Variants in UBR4 observed in about 807,000 individuals in gnomAD.
The protein encoded by UBR4 is ubiquitin protein ligase E3 component n-recognin 4.
In UBR4, 124 loss-of-function variants were observed where a neutral mutation model predicts 575.6. The ratio of observed to expected loss-of-function variants is 0.22; its 90% CI spans 0.19 to 0.25. UBR4 has a LOEUF of 0.25. Ranked by LOEUF, UBR4 falls within the 10% of genes least tolerant of loss-of-function variation. The pLI, the probability that UBR4 is intolerant of heterozygous loss-of-function variation, is 1.00. For missense variants in UBR4, 4,818 were observed against 6,478.8 expected (o/e 0.74, Z 8.80); for synonymous variants, 2,455 against 2,473.7 (o/e 0.99, Z 0.22).
Position 19,148,569 on chromosome 1 carries a change from G to A in UBR4, c.7488C>T (p.Ile2496=), listed in dbSNP as rs770746486. 10 of 1,614,176 alleles carry A rather than the reference G, an allele frequency of 6.2e-6. No homozygotes were observed. The highest frequency in any genetic ancestry group is 3.3e-5 in the South Asian group (3 of 91,078). Residue 2496 remains isoleucine, a synonymous_variant, in exon 50 of 106, where the codon ATC becomes ATT. Coordinates refer to ENST00000375254, the MANE Select transcript of UBR4 (RefSeq NM_020765.3). Reference sequence around the variant, plus strand: ...CTTTGAAAAAGTGACTTGCCTTCTCGATGATTGGGCCAACGGCAAAGCAGC... The same window carrying A: ...CTTTGAAAAAGTGACTTGCCTTCTCAATGATTGGGCCAACGGCAAAGCAGC... ...LESCFAVGPI[I]EKERNKNAAQ... is the part of the protein sequence containing the mutation.
At position 19,100,684 on chromosome 1, in the gene UBR4, C is replaced by T; in HGVS notation, c.13024-111G>A. On this transcript the variant is annotated intron_variant, in intron 88 of 105. Coordinates refer to ENST00000375254, the MANE Select transcript of UBR4 (RefSeq NM_020765.3). The surrounding 1 kb of genome is among the most constrained non-coding windows in gnomAD (Gnocchi z 4.2). ...GAAAACACACCAAACTCAGCAAGCC[C>T]CCCAAACATTTAAAGATACAAAGGA... 1 of 1,016,248 alleles carries T rather than the reference C, an allele frequency of 9.8e-7. No individual in the cohort carries two copies. The highest frequency in any genetic ancestry group is 1.5e-6 in the Non-Finnish European group (1 of 684,044). 63.0% of individuals were successfully genotyped at this position (1,016,248 alleles called of 1,614,324 possible).
At position 19,184,194 on chromosome 1, in the gene UBR4, A is replaced by G. The variant is rs774689402; in HGVS notation, c.1939-19T>C. The G allele has an allele frequency of 1.4e-5, 22 of 1,611,064 alleles. No individual in the cohort carries two copies. The highest frequency in any genetic ancestry group is 1.6e-5 in the Non-Finnish European group (19 of 1,178,920). ...CTAAGAACTGAAAGGAACACACACA[A>G]AAAAGCTCTTATCAGGGTCATAAGC... On this transcript the variant is annotated intron_variant, in intron 15 of 105. Coordinates refer to ENST00000375254, the MANE Select transcript of UBR4 (RefSeq NM_020765.3).
At position 19,156,902 on chromosome 1, in the gene UBR4, T is replaced by G. The variant is rs1015290462; in HGVS notation, c.5784A>C (p.Ala1928=). ...KGKITVLQLS[A]LLKQADSSKR... is the part of the protein sequence containing the mutation. Reference sequence around the variant, plus strand: ...TGCTGGAATCTGCTTGCTTCAGGAGTGCAGAGAGCTGCAGAACGGTGATCT... The same window carrying G: ...TGCTGGAATCTGCTTGCTTCAGGAGGGCAGAGAGCTGCAGAACGGTGATCT... The change falls in exon 41 of 106, where the codon GCA becomes GCC. Residue 1928 remains alanine (A), a synonymous_variant. Transcript: ENST00000375254. The G allele has an allele frequency of 6.2e-7, 1 of 1,613,776 alleles. No homozygotes were observed. The highest frequency in any genetic ancestry group is 8.5e-7 in the Non-Finnish European group (1 of 1,179,896).
chr1:19,101,380 C>T (rs1400576430), intron 88 of UBR4, 140 bp downstream of exon 88: 14 of 1,223,046 alleles, frequency 1.1e-5, no homozygotes, highest in East Asian at 2.7e-5. Context: ...ACTTTTATGG[C>T]GGTGGATCTT....
In UBR4 at chr1:19,172,983, A is replaced by G. The variant is rs1282095716; in HGVS notation, c.3402T>C (p.Ser1134=). 3.7e-6 allele frequency: 6 copies of G among 1,614,208 alleles called. No individual in the cohort carries two copies. The highest frequency in any genetic ancestry group is 4.2e-6 in the Non-Finnish European group (5 of 1,180,032). The stretch of plus-strand genomic sequence containing the variant: ...CCATCTTAGAAAAATGCTCATCCAA[A>G]GAGACCTGGACCTTTGAGATCGCGG... The part of the protein sequence containing the change: ...LDAAISKVQV[S]LDEHFSKMAA... The change falls in exon 25 of 106, where the codon TCT becomes TCC. Residue 1134 remains serine, a synonymous_variant. Transcript: ENST00000375254.
chr1:19,146,693 A>T (rs1269153378), intron 52 of UBR4, 133 bp downstream of exon 52: 9 of 1,233,162 alleles, frequency 7.3e-6, no homozygotes, highest in Non-Finnish European at 1.0e-5. Context: ...CCTACAAGGT[A>T]TAAAGACCAG....
At chr1:19,095,740 C>T in intron 92 of UBR4, 88 bp from the exon 93 acceptor site, 1 of 1,218,660 alleles carries the variant, frequency 8.2e-7, no homozygotes, top group Admixed American at 1.8e-5. Context: ...TAAGCAGGGT[C>T]TACACCATCA....
In UBR4 at chr1:19,105,757, T is replaced by C. The variant is rs2079121933; in HGVS notation, c.12479A>G (p.Gln4160Arg). The change falls in exon 84 of 106, where the codon CAG (glutamine) becomes CGG (arginine). Residue 4160 changes from glutamine to arginine, a missense_variant. Around this residue, in one of 29 missense-constraint regions of UBR4, gnomAD observed 178 missense variants for 175.5 expected, o/e 1.01. Coordinates refer to ENST00000375254, the MANE Select transcript of UBR4 (RefSeq NM_020765.3). ...CCTGGTAAGCAGGTCCAGGACCTGCTGCTTGCGGCTGGGAATGGTGGCTAG... is the reference window on the plus strand; with the variant it reads ...CCTGGTAAGCAGGTCCAGGACCTGCCGCTTGCGGCTGGGAATGGTGGCTAG... ...EALATIPSRKQQVLDLLTSYL... is the reference protein window; with the variant it reads ...EALATIPSRKRQVLDLLTSYL... The C allele has an allele frequency of 6.2e-7, 1 of 1,610,002 alleles. No homozygotes were observed. The highest frequency in any genetic ancestry group is 1.3e-5 in the African/African-American group (1 of 74,864).
intron 103 of UBR4, 155 bp downstream of exon 103, chr1:19,081,194 A>C (rs1204661214): frequency 1.5e-6 from 1 of 681,064 alleles, no homozygotes; most frequent in African/African-American, 1.8e-5. Flanking sequence ...ATCAGCTTAG[A>C]CTCTTGACAT....
rs1363241085 is a variant in UBR4, at chr1:19,187,284, G to A, written c.1512C>T (p.Gly504=). The A allele has an allele frequency of 6.2e-7, 1 of 1,613,430 alleles. No individual in the cohort carries two copies. The highest frequency in any genetic ancestry group is 1.3e-5 in the African/African-American group (1 of 74,846). Residue 504 remains glycine, a synonymous_variant, in exon 13 of 106, where the codon GGC becomes GGT. Coordinates refer to ENST00000375254, the MANE Select transcript of UBR4 (RefSeq NM_020765.3). ...EALHKGWETD[G]PPAALSIMAQ... Reference sequence around the variant, plus strand: ...CCATAATGCTCAAGGCTGCAGGGGGGCCATCTGTCTCCCAACCCTGAAGGC... The same window carrying A: ...CCATAATGCTCAAGGCTGCAGGGGGACCATCTGTCTCCCAACCCTGAAGGC...
At chr1:19,095,972 A>C (rs1464001179) in intron 92 of UBR4, 2 of 273,788 alleles carry the variant, frequency 7.3e-6, no homozygotes, top group Non-Finnish European at 1.4e-5. Context: ...CCCTAAACTA[A>C]TAGTAAAGAA....
At position 19,077,975 on chromosome 1, in the gene UBR4, C is replaced by A; in HGVS notation, c.15324+1G>T. On this transcript the variant is annotated splice_donor_variant, in intron 104 of 105. Transcript: ENST00000375254. LOFTEE classifies it high-confidence loss of function. ...CACTGGGCCTCTGACAGCCTCCTTA[C>A]CTTAAACATGTTGTAAATGAGATCG... 1 of 1,613,970 alleles carries A rather than the reference C, an allele frequency of 6.2e-7. No homozygotes were observed. The highest frequency in any genetic ancestry group is 8.5e-7 in the Non-Finnish European group (1 of 1,179,918).
chr1:19,160,995 C>T lies in UBR4; in HGVS notation c.5328G>A (p.Lys1776=). The T allele has an allele frequency of 6.2e-7, 1 of 1,614,174 alleles. No homozygotes were observed. Among genetic ancestry groups the T allele is most frequent in the South Asian group, 1.1e-5 (1 of 91,086 alleles). ...TCTTGGGCTTCTCTTCGTCAGCAAC[C>T]TTTCCATCACTGATGGTAACCTTGG... The part of the protein sequence containing the change: ...DKAKVTISDG[K]VADEEKPKKS... Residue 1776 remains lysine (K), a synonymous_variant, in exon 38 of 106, where the codon AAG becomes AAA. Transcript: ENST00000375254.
chr1:19,129,156 C>T (rs931407050), intron 60 of UBR4, 82 bp from the exon 61 acceptor site: 3 of 1,189,264 alleles, frequency 2.5e-6, no homozygotes, highest in Admixed American at 2.0e-5. Flanking sequence ...CCCAACCCCA[C>T]CCTGCTACCA....
At position 19,177,553 on chromosome 1, in the gene UBR4, G is replaced by A. The variant is rs373975800; in HGVS notation, c.2545C>T (p.Arg849Cys). 69 of 1,613,900 alleles carry A rather than the reference G, an allele frequency of 4.3e-5. No homozygotes were observed. The highest frequency in any genetic ancestry group is 1.5e-4 in the Admixed American group (9 of 59,974). Residue 849 changes from arginine (R) to cysteine (C), a missense_variant, in exon 19 of 106, where the codon CGC (arginine) becomes TGC (cysteine). Coordinates refer to ENST00000375254, the MANE Select transcript of UBR4 (RefSeq NM_020765.3). ...ELSVNMDAQM[R>C]FVPLILARLL... is the part of the protein sequence containing the mutation. ...CGAGCCAAGATAAGCGGCACGAAGC[G>A]CATCTGAGCATCCATGTTGACGCTC...
chr1:19,127,254 C>T (rs1303256952), intron 63 of UBR4, among the ~76,000 whole-genome samples: 1 of 152,230 alleles, frequency 6.6e-6, no homozygotes, highest in Non-Finnish European at 1.5e-5. Flanking sequence ...CTGCTTTATG[C>T]TAATCTCCTT....
rs1162618267 is a variant in UBR4 at position 19,088,612 on chromosome 1, CCT to C, written c.14430+145_14430+146del. 1.3e-5 allele frequency: 9 copies of C among 717,364 alleles called. No individual in the cohort carries two copies. Among genetic ancestry groups the C allele is most frequent in the Non-Finnish European group, 1.9e-5 (8 of 428,256 alleles). 44.4% of individuals were successfully genotyped at this position (717,364 alleles called of 1,614,324 possible). A position where few individuals can be genotyped will look rare whatever the true frequency, so the allele number is the denominator to read the frequency against. On this transcript the variant is annotated intron_variant, in intron 98 of 105. Transcript: ENST00000375254. This position sits in a 1 kb window ranked among gnomAD's most constrained non-coding sequence, Gnocchi z 4.0. ...GTATGATAGAACGATAGTAGTTCCA[CCT>C]CTGAGAGGGCCGAACACACCTAGTT...
chr1:19,127,156 T>C (rs929590297), intron 63 of UBR4, among the ~76,000 whole-genome samples: 2 of 152,150 alleles, frequency 1.3e-5, no homozygotes, highest in Non-Finnish European at 2.9e-5. Context: ...AATAAGACCA[T>C]TAGAAGAGCC....
chr1:19,108,468 A>G (rs79891247), intron 81 of UBR4, among the ~76,000 whole-genome samples: 3,000 of 152,198 alleles, frequency 0.02, 41 homozygotes, highest in South Asian at 0.056. Flanking sequence ...TCTCAGCACA[A>G]CTGCTGTACT....
Sources: allele counts gnomAD v4.1 joint callset (sites outside exome capture counted in the v4.1 genomes callset), GRCh38; gene constraint gnomAD v4.1.1; regional missense constraint gnomAD v4.1.1; non-coding constraint Gnocchi (gnomAD v3.1); transcripts MANE v1.5; gene names NCBI Gene and HGNC (gene_info 2026-07-23, HGNC 2026-07-21).